The following NF1 variants were observed in gnomAD, a reference collection of about 807,000 sequenced individuals.
The protein encoded by NF1 is neurofibromin.
NF1 carries 122 observed loss-of-function variants against 325.7 expected under a neutral mutation model. The ratio of observed to expected loss-of-function variants is 0.37; its 90% CI spans 0.32 to 0.44. The LOEUF (loss-of-function observed/expected upper bound fraction) is 0.44, where lower values mean the gene tolerates loss of function less well. NF1 is among the 20% of genes least tolerant of loss of function. NF1 has a pLI of 1.00. For synonymous variants in NF1, 1,091 were observed against 1,186.0 expected (o/e 0.92, Z 1.65); for missense variants, 2,140 against 3,415.4 (o/e 0.63, Z 9.31).
At chr17:31,156,870 A>G (rs1020286335) in intron 2 of NF1, among the ~76,000 whole-genome samples, 1 of 152,098 alleles carries the variant, frequency 6.6e-6, no homozygotes, top group Non-Finnish European at 1.5e-5. Flanking sequence ...TAACATCTCC[A>G]TTCTAAGCTG....
chr17:31,114,777 C>A (rs1165359393), intron 1 of NF1, among the ~76,000 whole-genome samples: 3 of 151,956 alleles, frequency 2.0e-5, no homozygotes, highest in African/African-American at 7.3e-5. Context: ...TCACTTGAAC[C>A]CGGGAGGTGG....
At position 31,327,962 on chromosome 17, in the gene NF1, G is replaced by T. The variant is rs1597832682; in HGVS notation, c.5609+123G>T. 3.3e-6 allele frequency: 3 copies of T among 898,376 alleles called. No homozygotes were observed. In the East Asian group the frequency reaches 7.8e-5, roughly 23 times the overall value. The allele number at this position is 898,376 out of a possible 1,614,324, so 55.7% of individuals were successfully genotyped here. Reference sequence around the variant, plus strand: ...GTAAATTGGAAGGTATGCAGTGTTGGTTAACCACTGTGACCTCATCAAGTT... The same window carrying T: ...GTAAATTGGAAGGTATGCAGTGTTGTTTAACCACTGTGACCTCATCAAGTT... On this transcript the variant is annotated intron_variant, in intron 38 of 57. Transcript: ENST00000358273.
chr17:31,368,218 C>A (rs1239337860), intron 57 of NF1, among the ~76,000 whole-genome samples: 1 of 152,166 alleles, frequency 6.6e-6, no homozygotes, highest in East Asian at 1.9e-4. Context: ...CTTACTGCAA[C>A]CTCCGCCTCC....
intron 8 of NF1, among the ~76,000 whole-genome samples, chr17:31,187,764 T>C (rs1444251572): frequency 6.6e-6 from 1 of 152,114 alleles, no homozygotes; most frequent in East Asian, 1.9e-4. Context: ...TCTTGAGACA[T>C]TATGTTCTGC....
chr17:31,344,596 T>C (rs2069921450), intron 48 of NF1, among the ~76,000 whole-genome samples: 1 of 152,260 alleles, frequency 6.6e-6, no homozygotes, highest in Non-Finnish European at 1.5e-5. Flanking sequence ...GAGATATGCA[T>C]ACACCCACTA....
chr17:31,352,049 T>A (rs972539684), intron 50 of NF1, among the ~76,000 whole-genome samples: 7 of 152,128 alleles, frequency 4.6e-5, no homozygotes, highest in African/African-American at 1.7e-4. Flanking sequence ...ATTTGGTGAG[T>A]ACCTACTATG....
At chr17:31,326,376 G>A (rs1003599730) in intron 37 of NF1, 124 bp downstream of exon 37, 15 of 951,888 alleles carry the variant, frequency 1.6e-5, no homozygotes, top group African/African-American at 3.3e-5. Context: ...AGGCTGTCGC[G>A]GTGGCTCACG....
intron 3 of NF1, 136 bp from the exon 4 acceptor site, chr17:31,163,050 C>T: frequency 1.3e-6 from 1 of 747,828 alleles, no homozygotes; most frequent in East Asian, 2.7e-5. Context: ...GAAACGTTAA[C>T]AGTTGTTAAA....
intron 30 of NF1, chr17:31,252,499 T>C (rs989611806): frequency 4.9e-6 from 1 of 203,864 alleles, no homozygotes; most frequent in African/African-American, 2.3e-5. Flanking sequence ...AAAAAGAACT[T>C]AAAGTCAATT....
At chr17:31,207,107 GCTT>G (rs1394133537) in intron 12 of NF1, among the ~76,000 whole-genome samples, 1 of 152,120 alleles carries the variant, frequency 6.6e-6, no homozygotes, top group Admixed American at 6.6e-5. Flanking sequence ...TTTGTCTTCT[GCTT>G]CTTATTTTCT....
At chr17:31,222,586 C>T (rs1567845443) in intron 15 of NF1, 1 of 1,001,882 alleles carries the variant, frequency 1.0e-6, no homozygotes. Flanking sequence ...TAATGAGAAC[C>T]CCATATGTTA....
chr17:31,197,149 A>G (rs2066447634), intron 8 of NF1, among the ~76,000 whole-genome samples: 1 of 151,526 alleles, frequency 6.6e-6, no homozygotes, highest in Non-Finnish European at 1.5e-5. Flanking sequence ...GGGTCACGCC[A>G]TTCTACTGCC....
intron 8 of NF1, among the ~76,000 whole-genome samples, chr17:31,186,703 A>C (rs1207365999): frequency 1.3e-5 from 2 of 152,220 alleles, no homozygotes; most frequent in African/African-American, 4.8e-5. Context: ...TCAAGTGGAT[A>C]GCGTGACCTG....
chr17:31,253,041 C>T (rs2151456408), intron 31 of NF1, 41 bp downstream of exon 31: 1 of 1,511,746 alleles, frequency 6.6e-7, no homozygotes, highest in Non-Finnish European at 9.2e-7. Context: ...TCTTTCAAAG[C>T]AAAACAAAAA....
chr17:31,254,288 A>AAAAG (rs2067544414), intron 31 of NF1: 1 of 151,226 alleles, frequency 6.6e-6, no homozygotes, highest in East Asian at 1.9e-4. Context: ...AAAAAAAAAA[A>AAAAG]AAAAGAAAAC....
chr17:31,302,718 G>A (rs1164759844), intron 36 of NF1, among the ~76,000 whole-genome samples: 4 of 151,994 alleles, frequency 2.6e-5, no homozygotes, highest in African/African-American at 7.2e-5. Context: ...GGTGGTGCAC[G>A]CCTGTAGTCC....
At chr17:31,114,944 TTATATA>T (rs1313761955) in intron 1 of NF1, among the ~76,000 whole-genome samples, 1 of 152,180 alleles carries the variant, frequency 6.6e-6, no homozygotes, top group African/African-American at 2.4e-5. Context: ...AGTTTTGCTC[TTATATA>T]TATAGGTTTA....
rs750989438 is a variant in NF1 at position 31,305,449 on chromosome 17, T to A, written c.4836-20371T>A. 52 of 1,614,094 alleles carry A rather than the reference T, an allele frequency of 3.2e-5. No homozygotes were observed. The Admixed American group carries it at 8.7e-4, about 27-fold the overall frequency. On this transcript the variant is annotated intron_variant, in intron 36 of 57. Transcript: ENST00000358273. ...GAATTGTGTTGGTTGACCCAAAGGA[T>A]TCCCTGTTGTGTTTTGAGAATTAGC...
intron 1 of NF1, among the ~76,000 whole-genome samples, chr17:31,139,054 T>A (rs1916012485): frequency 6.6e-6 from 1 of 152,042 alleles, no homozygotes; most frequent in Non-Finnish European, 1.5e-5. Flanking sequence ...CTAAGTTTTG[T>A]TTGTTTGTTT....
Sources: gnomAD v4.1 joint callset for allele counts (sites outside exome capture counted in the v4.1 genomes callset) on GRCh38, gnomAD v4.1.1 for gene constraint, MANE v1.5 for transcripts, NCBI Gene and HGNC (gene_info 2026-07-23, HGNC 2026-07-21) for gene names.